The following BABAM2 variants were observed in gnomAD, a reference collection of about 807,000 sequenced individuals.
BABAM2 encodes the protein BRISC and BRCA1-A complex member 2.
Under a neutral mutation model 54.7 loss-of-function variants are expected in BABAM2, and 31 were observed. The observed-to-expected ratio is 0.57, with a 90% CI of 0.43 to 0.77. The LOEUF (loss-of-function observed/expected upper bound fraction) is 0.77. BABAM2 is among the 30% of genes least tolerant of loss of function. The probability of loss-of-function intolerance (pLI) is 0.00; values close to 1 mark genes in which losing one functional copy is unlikely to be tolerated. For synonymous variants in BABAM2, 167 were observed against 162.9 expected (o/e 1.03, Z -0.19); for missense variants, 364 against 455.8 (o/e 0.80, Z 1.83).
chr2:28,326,481 C>T (rs1184910639), intron 11 of BABAM2, among the ~76,000 whole-genome samples: 3 of 152,128 alleles, frequency 2.0e-5, no homozygotes, highest in Non-Finnish European at 4.4e-5. Flanking sequence ...TCCTTAGCCC[C>T]CCACACCCAC....
chr2:28,138,293 A>G (rs987486422), intron 7 of BABAM2, among the ~76,000 whole-genome samples: 1 of 152,208 alleles, frequency 6.6e-6, no homozygotes, highest in Non-Finnish European at 1.5e-5. Flanking sequence ...CAGGCCAAAT[A>G]AAAAGAAATT....
intron 4 of BABAM2, among the ~76,000 whole-genome samples, chr2:27,996,675 A>G (rs1673169109): frequency 6.6e-6 from 1 of 152,196 alleles, no homozygotes; most frequent in Non-Finnish European, 1.5e-5. Flanking sequence ...AAAAGCTCCA[A>G]TGGTTCCTCT....
chr2:28,147,752 C>T (rs978918247), intron 7 of BABAM2, among the ~76,000 whole-genome samples: 6 of 152,160 alleles, frequency 3.9e-5, no homozygotes, highest in Non-Finnish European at 8.8e-5. Context: ...GGATAACAGG[C>T]GTGAGCCACT....
chr2:28,278,992 G>T (rs112097374), intron 10 of BABAM2, among the ~76,000 whole-genome samples: 1 of 152,224 alleles, frequency 6.6e-6, no homozygotes, highest in Non-Finnish European at 1.5e-5. Flanking sequence ...AGGTGAGCCC[G>T]TCCTCTTTTG....
intron 10 of BABAM2, among the ~76,000 whole-genome samples, chr2:28,264,701 C>T (rs1390816774): frequency 5.3e-5 from 8 of 152,166 alleles, no homozygotes; most frequent in African/African-American, 1.2e-4. Flanking sequence ...GAGTTGGCCT[C>T]TAACCAAGGG....
chr2:28,165,906 A>C (rs1281536006), intron 7 of BABAM2, among the ~76,000 whole-genome samples: 2 of 152,192 alleles, frequency 1.3e-5, no homozygotes, highest in African/African-American at 4.8e-5. Context: ...CATATGTTGA[A>C]GCCTTAACCC....
chr2:28,285,737 C>CT lies in BABAM2; in HGVS notation c.935-12589dup, dbSNP rs931182085. On this transcript the variant is annotated intron_variant, in intron 10 of 11. Coordinates refer to ENST00000379624, the MANE Select transcript of BABAM2 (RefSeq NM_199191.3). ...GAACATAAGAGATGTGCAAATAAGT[C>CT]TTTTTTTTTTTTAATGGAAACGGGA... 6.6e-3 allele frequency among the ~76,000 whole-genome samples: 948 copies of CT among 144,428 alleles called. 7 individuals are homozygous for CT. Among genetic ancestry groups the CT allele is most frequent in the African/African-American group, 0.017 (691 of 39,706 alleles). The allele number at this position is 144,428 out of a possible 152,430, so 94.8% of individuals were successfully genotyped here. A position where few individuals can be genotyped will look rare whatever the true frequency, so the allele number is the denominator to read the frequency against.
chr2:28,203,586 A>G (rs1678508255), intron 7 of BABAM2, among the ~76,000 whole-genome samples: 1 of 152,082 alleles, frequency 6.6e-6, no homozygotes, highest in Non-Finnish European at 1.5e-5. Flanking sequence ...CCCATTAACA[A>G]TGTTCTTATT....
intron 10 of BABAM2, among the ~76,000 whole-genome samples, chr2:28,273,617 G>A (rs1280091672): frequency 6.6e-6 from 1 of 152,144 alleles, no homozygotes; most frequent in Non-Finnish European, 1.5e-5. Flanking sequence ...TTCTTGGGAG[G>A]ATGAGGTACG....
chr2:28,040,291 A>ATTTTTTTTTTTTTTTT (rs1204898070), intron 5 of BABAM2, among the ~76,000 whole-genome samples: 91 of 97,162 alleles, frequency 9.4e-4, no homozygotes, highest in Non-Finnish European at 1.5e-3. Context: ...GAAAAACTGA[A>ATTTTTTTTTTTTTTTT]TTCTTTTTTT....
chr2:27,968,310 T>G (rs914469881), intron 3 of BABAM2, among the ~76,000 whole-genome samples: 3 of 152,170 alleles, frequency 2.0e-5, no homozygotes, highest in Admixed American at 2.0e-4. Context: ...CTTCAGAGGG[T>G]GCAAGCCCCG....
intron 6 of BABAM2, among the ~76,000 whole-genome samples, chr2:28,112,142 T>TTTCTTTCTTTCTTTCTTTCG (rs1668110948): frequency 7.4e-5 from 1 of 13,576 alleles, no homozygotes; most frequent in African/African-American, 3.5e-4. Context: ...TCTTTCTTTC[T>TTTCTTTCTTTCTTTCTTTCG]TTCTTTACCT....
chr2:27,965,752 A>C (rs927764288), intron 3 of BABAM2, among the ~76,000 whole-genome samples: 8 of 152,174 alleles, frequency 5.3e-5, no homozygotes, highest in Non-Finnish European at 1.0e-4. Flanking sequence ...TTGTGTGCAC[A>C]TTGCAATAGG....
intron 7 of BABAM2, among the ~76,000 whole-genome samples, chr2:28,142,154 T>C (rs1488319055): frequency 1.3e-5 from 2 of 152,198 alleles, no homozygotes; most frequent in Non-Finnish European, 2.9e-5. Context: ...GTATGTCTGA[T>C]TTTGAGTCCT....
chr2:27,917,183 A>G (rs907067124), intron 2 of BABAM2, among the ~76,000 whole-genome samples: 4 of 151,580 alleles, frequency 2.6e-5, no homozygotes, highest in African/African-American at 9.7e-5. Context: ...ACGCGCAGCT[A>G]ATTTTTGTAT....
intron 2 of BABAM2, among the ~76,000 whole-genome samples, chr2:27,911,859 C>A (rs1190666490): frequency 1.3e-5 from 2 of 152,162 alleles, no homozygotes; most frequent in Middle Eastern, 6.3e-3. Flanking sequence ...AAAACCAGAT[C>A]ATGTTGAGAT....
At chr2:28,259,744 C>T (rs987474033) in intron 10 of BABAM2, among the ~76,000 whole-genome samples, 28 of 151,938 alleles carry the variant, frequency 1.8e-4, no homozygotes, top group South Asian at 1.2e-3. Context: ...CTGTGTTCCA[C>T]TTCAAGTTAA....
chr2:27,922,517 G>A (rs1395536043), intron 2 of BABAM2, among the ~76,000 whole-genome samples: 5 of 152,142 alleles, frequency 3.3e-5, no homozygotes, highest in Admixed American at 6.5e-5. Flanking sequence ...AAGAATTCCC[G>A]CTTGATAATT....
At position 28,322,492 on chromosome 2, in the gene BABAM2, T is replaced by C. The variant is rs531201623; in HGVS notation, c.1089-15958T>C. Among the ~76,000 whole-genome samples, 1 of 152,350 alleles carries C rather than the reference T, an allele frequency of 6.6e-6. No individual in the cohort carries two copies. The highest frequency in any genetic ancestry group is 2.1e-4 in the South Asian group (1 of 4,826). ...CTTTGAGCAACGCGCTCTCAAGGTG[T>C]TCCAGCAGGGTGAGGATCACCCCCC... On this transcript the variant is annotated intron_variant, in intron 11 of 11. Transcript: ENST00000379624. The surrounding 1 kb of genome is among the most constrained non-coding windows in gnomAD (Gnocchi z 4.1).
Sources: allele counts gnomAD v4.1 joint callset (sites outside exome capture counted in the v4.1 genomes callset), GRCh38; gene constraint gnomAD v4.1.1; non-coding constraint Gnocchi (gnomAD v3.1); transcripts MANE v1.5; gene names NCBI Gene and HGNC (gene_info 2026-07-23, HGNC 2026-07-21).